UNC5C: variants seen among roughly 807,000 people sequenced by gnomAD.
UNC5C encodes netrin receptor UNC5C.
In UNC5C, 47 loss-of-function variants were observed where a neutral mutation model predicts 99.8. That is an observed-to-expected ratio of 0.47 (90% CI 0.37 to 0.60). The LOEUF (loss-of-function observed/expected upper bound fraction) is 0.60, where lower values mean the gene tolerates loss of function less well. Among genes scored for constraint, UNC5C ranks in the 20% least tolerant of loss-of-function variants. The pLI is 0.00. For synonymous variants in UNC5C, 487 were observed against 452.2 expected (o/e 1.08, Z -0.98); for missense variants, 1,062 against 1,165.9 (o/e 0.91, Z 1.30).
At chr4:95,183,409 T>G (rs978548489) in intron 13 of UNC5C, among the ~76,000 whole-genome samples, 1 of 151,878 alleles carries the variant, frequency 6.6e-6, no homozygotes, top group Non-Finnish European at 1.5e-5. Context: ...TTTATACAAT[T>G]CCCAAAATAA....
At chr4:95,195,199 C>A (rs140160653) in intron 12 of UNC5C, among the ~76,000 whole-genome samples, 1,682 of 152,254 alleles carry the variant, frequency 0.011, 18 homozygotes, top group Non-Finnish European at 0.018. Flanking sequence ...TCAAAGAGTC[C>A]TTGATGCAGA....
At chr4:95,285,204 G>A (rs1387082794) in intron 3 of UNC5C, among the ~76,000 whole-genome samples, 3 of 151,966 alleles carry the variant, frequency 2.0e-5, no homozygotes, top group Non-Finnish European at 4.4e-5. Flanking sequence ...TCTATCCATC[G>A]TTAAGCACAT....
intron 1 of UNC5C, among the ~76,000 whole-genome samples, chr4:95,528,622 TA>T (rs1560495291): frequency 1.3e-5 from 2 of 152,148 alleles, no homozygotes; most frequent in African/African-American, 4.8e-5. Flanking sequence ...GAGTATGTAA[TA>T]AAACAGCTAA....
At chr4:95,407,159 A>T (rs1745852258) in intron 1 of UNC5C, among the ~76,000 whole-genome samples, 1 of 152,174 alleles carries the variant, frequency 6.6e-6, no homozygotes, top group Non-Finnish European at 1.5e-5. Flanking sequence ...AAATAAGATG[A>T]GTTATTAAAA....
rs548389435 is a variant in UNC5C, at chr4:95,279,495, T to A, written c.491-1133A>T. Among the ~76,000 whole-genome samples, 5 of 152,346 alleles carry A rather than the reference T, an allele frequency of 3.3e-5. No individual in the cohort carries two copies. The East Asian group carries it at 9.6e-4, about 29-fold the overall frequency. ...CCCTGAATACCATATAATTATTTTGTTTTAATGGTTTGGCTTTAAACTCTA... is the reference window on the plus strand; with the variant it reads ...CCCTGAATACCATATAATTATTTTGATTTAATGGTTTGGCTTTAAACTCTA... On this transcript the variant is annotated intron_variant, in intron 3 of 15. Transcript: ENST00000453304.
intron 12 of UNC5C, among the ~76,000 whole-genome samples, chr4:95,199,735 A>G (rs865909437): frequency 1.3e-5 from 2 of 152,318 alleles, no homozygotes; most frequent in Middle Eastern, 6.8e-3. Flanking sequence ...AACACTTCAA[A>G]TATGATGTAG....
chr4:95,492,370 AAT>A (rs761322190), intron 1 of UNC5C, among the ~76,000 whole-genome samples: 3 of 151,344 alleles, frequency 2.0e-5, no homozygotes, highest in African/African-American at 4.8e-5. Context: ...TCAATTTTTG[AAT>A]ATGTTTCTGC....
At chr4:95,332,782 GC>G (rs748136308) in intron 2 of UNC5C, among the ~76,000 whole-genome samples, 10 of 150,980 alleles carry the variant, frequency 6.6e-5, no homozygotes, top group Non-Finnish European at 1.2e-4. Flanking sequence ...GAGTGAACAG[GC>G]AACCTACAAA....
chr4:95,182,867 CCT>C (rs1736669802), intron 14 of UNC5C, 28 bp downstream of exon 14: 1 of 1,595,750 alleles, frequency 6.3e-7, no homozygotes, highest in Non-Finnish European at 8.6e-7. Flanking sequence ...CGCACTCTCC[CCT>C]GATTTCAGAC....
At chr4:95,220,832 C>A (rs1738444309) in intron 7 of UNC5C, among the ~76,000 whole-genome samples, 1 of 152,192 alleles carries the variant, frequency 6.6e-6, no homozygotes. Context: ...GGCTTTGATA[C>A]AGATGCAGTA....
intron 6 of UNC5C, among the ~76,000 whole-genome samples, chr4:95,244,502 A>G (rs1480330857): frequency 6.6e-6 from 1 of 152,222 alleles, no homozygotes; most frequent in Non-Finnish European, 1.5e-5. Context: ...AAAACTTTGC[A>G]TTCCTTATAA....
At chr4:95,523,620 T>A (rs933919308) in intron 1 of UNC5C, among the ~76,000 whole-genome samples, 2 of 152,170 alleles carry the variant, frequency 1.3e-5, no homozygotes, top group African/African-American at 4.8e-5. Flanking sequence ...AAAAAATTAT[T>A]CTGCTAGTTT....
chr4:95,479,255 C>G (rs1328405387), intron 1 of UNC5C, among the ~76,000 whole-genome samples: 1 of 151,804 alleles, frequency 6.6e-6, no homozygotes, highest in Middle Eastern at 3.2e-3. Context: ...TATTATATTC[C>G]ATTAACTTTA....
chr4:95,328,016 C>T (rs189456753), intron 2 of UNC5C, among the ~76,000 whole-genome samples: 1,631 of 141,070 alleles, frequency 0.012, 11 homozygotes, highest in Non-Finnish European at 0.018. Context: ...CTCTGGGGCT[C>T]CAGAGCTCTG....
At chr4:95,494,346 T>G (rs779511356) in intron 1 of UNC5C, among the ~76,000 whole-genome samples, 6 of 151,656 alleles carry the variant, frequency 4.0e-5, no homozygotes, top group Non-Finnish European at 7.4e-5. Context: ...AATGGCAACT[T>G]GTTATTCATT....
At chr4:95,182,059 C>G (rs943559318) in intron 14 of UNC5C, among the ~76,000 whole-genome samples, 17 of 152,180 alleles carry the variant, frequency 1.1e-4, no homozygotes, top group Non-Finnish European at 1.9e-4. Context: ...TTGGCTTCTT[C>G]TCTTCCCTTT....
chr4:95,199,150 C>G (rs1737551506), intron 12 of UNC5C, among the ~76,000 whole-genome samples: 1 of 151,918 alleles, frequency 6.6e-6, no homozygotes, highest in Non-Finnish European at 1.5e-5. Flanking sequence ...AGGTGTGTTG[C>G]AAGAGGAAGT....
At chr4:95,341,085 A>G (rs1392301292) in intron 1 of UNC5C, among the ~76,000 whole-genome samples, 1 of 152,168 alleles carries the variant, frequency 6.6e-6, no homozygotes, top group African/African-American at 2.4e-5. Flanking sequence ...GAATTTGACA[A>G]TATAAGTAAA....
At position 95,219,189 on chromosome 4, in the gene UNC5C, G is replaced by A. The variant is rs781562786; in HGVS notation, c.1425C>T (p.Pro475=). 4 of 1,614,058 alleles carry A rather than the reference G, an allele frequency of 2.5e-6. No homozygotes were observed. The highest frequency in any genetic ancestry group is 2.7e-5 in the African/African-American group (2 of 74,918). Residue 475 remains proline (P), a synonymous_variant, in exon 9 of 16, where the codon CCC becomes CCT. Coordinates refer to ENST00000453304, the MANE Select transcript of UNC5C (RefSeq NM_003728.4). ...MTNSPILDPL[P]NLKIKVYNTS... ...TGTTGTACACTTTGATTTTCAGGTT[G>A]GGCAGTGGATCCAGAATTGGAGAGT...
Sources: gnomAD v4.1 joint callset for allele counts (sites outside exome capture counted in the v4.1 genomes callset) on GRCh38, gnomAD v4.1.1 for gene constraint, MANE v1.5 for transcripts, NCBI Gene and HGNC (gene_info 2026-07-23, HGNC 2026-07-21) for gene names.